The following DESI2 variants were observed in gnomAD, a reference collection of about 807,000 sequenced individuals.
DESI2 encodes deubiquitinase DESI2.
A neutral mutation model predicts 24.1 loss-of-function variants in DESI2; 10 were observed. The observed-to-expected ratio is 0.41, with a 90% CI of 0.26 to 0.70. The LOEUF (loss-of-function observed/expected upper bound fraction) is 0.70, where lower values mean the gene tolerates loss of function less well. Among genes scored for constraint, DESI2 ranks in the 30% least tolerant of loss-of-function variants. DESI2 has a pLI of 0.29. For missense variants in DESI2, 122 were observed against 234.9 expected (o/e 0.52, Z 3.14); for synonymous variants, 71 against 87.7 (o/e 0.81, Z 1.06).
chr1:244,694,390 T>A (rs1473484802), intron 4 of DESI2: 25 of 650,186 alleles, frequency 3.8e-5, no homozygotes, highest in South Asian at 3.1e-4. Flanking sequence ...TTTTTTTTTT[T>A]AAACCGGAAC....
intron 4 of DESI2, among the ~76,000 whole-genome samples, chr1:244,698,162 C>A (rs147329318): frequency 1.4e-4 from 22 of 152,220 alleles, no homozygotes; most frequent in African/African-American, 5.3e-4. Flanking sequence ...GTCGCAGATG[C>A]GAGGGGGATT....
rs188948773 is a variant in DESI2, at chr1:244,689,780, G to A, written c.209+438G>A. Among the ~76,000 whole-genome samples the A allele has an allele frequency of 5.8e-4, 89 of 152,314 alleles. No individual in the cohort carries two copies. Among genetic ancestry groups the A allele is most frequent in the Non-Finnish European group, 1.1e-3 (77 of 68,034 alleles). On this transcript the variant is annotated intron_variant, in intron 3 of 4. Coordinates refer to ENST00000302550, the MANE Select transcript of DESI2 (RefSeq NM_016076.5). The surrounding 1 kb of genome is among the most constrained non-coding windows in gnomAD (Gnocchi z 4.0). ...CTGCCTCGGCCTCCCAAAGTGCTGG[G>A]ATTACAGGCGTGAGCCACCACGCCC...
chr1:244,666,846 C>T lies in DESI2; in HGVS notation c.42+13491C>T, dbSNP rs1043673844. On this transcript the variant is annotated intron_variant, in intron 1 of 4. Coordinates refer to ENST00000302550, the MANE Select transcript of DESI2 (RefSeq NM_016076.5). The stretch of plus-strand genomic sequence containing the variant: ...GGCTCGGGAGGCCTCAGAATCATGG[C>T]GGGTGGCAAAAGGCACTTGTTACGT... Among the ~76,000 whole-genome samples, 99 of 152,004 alleles carry T rather than the reference C, an allele frequency of 6.5e-4. 1 individual carries two copies. Among genetic ancestry groups the T allele is most frequent in the Non-Finnish European group, 5.3e-4 (36 of 67,986 alleles).
chr1:244,670,944 G>T (rs1337348973), intron 1 of DESI2, among the ~76,000 whole-genome samples: 1 of 152,196 alleles, frequency 6.6e-6, no homozygotes, highest in Non-Finnish European at 1.5e-5. Flanking sequence ...TATAATAGAA[G>T]AAACGCTCTT....
rs1044634557 is a variant in DESI2 at position 244,707,395 on chromosome 1, C to G, written c.*1606C>G. The stretch of plus-strand genomic sequence containing the variant: ...AGCCACTTAACCTAATTTATGCTTT[C>G]GACTGTTCTGTTTCCAGAGAGGAAA... On this transcript the variant is annotated 3_prime_UTR_variant, in exon 5 of 5. Transcript: ENST00000302550. The G allele has an allele frequency of 3.9e-5, 6 of 152,556 alleles. No individual in the cohort carries two copies. The highest frequency in any genetic ancestry group is 8.8e-5 in the Non-Finnish European group (6 of 68,030). The allele number at this position is 152,556 out of a possible 1,614,324, so 9.5% of individuals were successfully genotyped here. A position where few individuals can be genotyped will look rare whatever the true frequency, so the allele number is the denominator to read the frequency against.
intron 1 of DESI2, among the ~76,000 whole-genome samples, chr1:244,675,952 T>C (rs936157409): frequency 1.3e-5 from 2 of 152,162 alleles, no homozygotes; most frequent in African/African-American, 4.8e-5. Context: ...TTCAACAATG[T>C]TTTGTAGTTT....
chr1:244,694,645 AG>A, intron 4 of DESI2: 1 of 823,008 alleles, frequency 1.2e-6, no homozygotes. Context: ...TGAAGGTGGT[AG>A]GCCTTAGAGC....
chr1:244,694,407 T>C lies in DESI2; in HGVS notation c.351+2387T>C, dbSNP rs567065065. 1.1e-5 allele frequency: 8 copies of C among 702,030 alleles called. No individual in the cohort carries two copies. The African/African-American group carries it at 1.2e-4, about 11-fold the overall frequency. The allele number at this position is 702,030 out of a possible 1,614,324, so 43.5% of individuals were successfully genotyped here. On this transcript the variant is annotated intron_variant, in intron 4 of 4. Coordinates refer to ENST00000302550, the MANE Select transcript of DESI2 (RefSeq NM_016076.5). ...TTTTTTTTTAAACCGGAACATCTAT[T>C]GCATTACTCATCGTTGAAATTCTTA...
intron 4 of DESI2, among the ~76,000 whole-genome samples, chr1:244,699,765 C>G (rs750662114): frequency 2.4e-4 from 36 of 152,100 alleles, no homozygotes; most frequent in Non-Finnish European, 4.9e-4. Context: ...AACCCTGGCA[C>G]CTAGGGAATC....
At chr1:244,669,603 G>T (rs1295225240) in intron 1 of DESI2, among the ~76,000 whole-genome samples, 1 of 151,986 alleles carries the variant, frequency 6.6e-6, no homozygotes, top group Non-Finnish European at 1.5e-5. Context: ...GCCTGAACCC[G>T]GGAGGCAGAG....
intron 4 of DESI2, among the ~76,000 whole-genome samples, chr1:244,696,570 A>G (rs1379476146): frequency 1.3e-5 from 2 of 152,184 alleles, no homozygotes; most frequent in Non-Finnish European, 2.9e-5. Context: ...CAGTGAACCA[A>G]GATGGTACCA....
intron 1 of DESI2, among the ~76,000 whole-genome samples, chr1:244,655,888 C>T (rs1010398781): frequency 2.0e-5 from 3 of 152,124 alleles, no homozygotes; most frequent in African/African-American, 7.2e-5. Flanking sequence ...GTGTTGTGGG[C>T]TTGGGTGAAG....
Position 244,705,666 on chromosome 1 carries a change from C to T in DESI2, c.462C>T (p.Ala154=), listed in dbSNP as rs1165727544. 1 of 1,614,110 alleles carries T rather than the reference C, an allele frequency of 6.2e-7. No homozygotes were observed. The highest frequency in any genetic ancestry group is 8.5e-7 in the Non-Finnish European group (1 of 1,180,028). ...CLPKEWLTPA[A]LQSSVSQELQ... ...CGAAGGAGTGGCTCACGCCCGCAGC[C>T]CTGCAGTCTAGTGTCAGCCAAGAAC... The change falls in exon 5 of 5, where the codon GCC becomes GCT. Residue 154 remains alanine (A), a synonymous_variant. Coordinates refer to ENST00000302550, the MANE Select transcript of DESI2 (RefSeq NM_016076.5).
chr1:244,701,213 CCA>C (rs201828929), intron 4 of DESI2, among the ~76,000 whole-genome samples: 127 of 4,758 alleles, frequency 0.027, 2 homozygotes, highest in African/African-American at 0.04. Flanking sequence ...ACCTTCCCCT[CCA>C]CCCCCCCCCC....
chr1:244,683,513 A>C (rs140192956), intron 1 of DESI2, among the ~76,000 whole-genome samples: 4 of 151,914 alleles, frequency 2.6e-5, no homozygotes, highest in Non-Finnish European at 5.9e-5. Flanking sequence ...GGGTTTCACC[A>C]TGTTAGCCAG....
At chr1:244,680,067 C>T (rs1316605092) in intron 1 of DESI2, among the ~76,000 whole-genome samples, 3 of 139,598 alleles carry the variant, frequency 2.1e-5, no homozygotes, top group African/African-American at 5.3e-5. Flanking sequence ...AGTCGAGGTT[C>T]ATTCACTTCC....
chr1:244,668,641 T>A (rs922672492), intron 1 of DESI2, among the ~76,000 whole-genome samples: 2 of 152,130 alleles, frequency 1.3e-5, no homozygotes, highest in African/African-American at 4.8e-5. Flanking sequence ...GTGTTTTAAG[T>A]TACAGAAAAA....
At chr1:244,703,471 C>T (rs1677560418) in intron 4 of DESI2, among the ~76,000 whole-genome samples, 1 of 152,070 alleles carries the variant, frequency 6.6e-6, no homozygotes, top group Non-Finnish European at 1.5e-5. Context: ...TCCCCCTGCC[C>T]TAGCCTCCCA....
At chr1:244,686,728 C>A in intron 2 of DESI2, 59 bp downstream of exon 2, 1 of 1,100,168 alleles carries the variant, frequency 9.1e-7, no homozygotes, top group Non-Finnish European at 1.4e-6. Context: ...AAAAGAGTTG[C>A]AAAATCATAA....
Sources: gnomAD v4.1 joint callset for allele counts (sites outside exome capture counted in the v4.1 genomes callset) on GRCh38, gnomAD v4.1.1 for gene constraint, Gnocchi (gnomAD v3.1) non-coding constraint, MANE v1.5 for transcripts, NCBI Gene and HGNC (gene_info 2026-07-23, HGNC 2026-07-21) for gene names.